The following MRPS18A variants were observed in gnomAD, a reference collection of about 807,000 sequenced individuals.
MRPS18A encodes large ribosomal subunit protein mL66.
A neutral mutation model predicts 22.7 loss-of-function variants in MRPS18A; 20 were observed. The ratio of observed to expected loss-of-function variants is 0.88; its 90% CI spans 0.62 to 1.28. The LOEUF (loss-of-function observed/expected upper bound fraction) is 1.28, where lower values mean the gene tolerates loss of function less well. Among genes scored for constraint, MRPS18A ranks in the 50% most tolerant of loss-of-function variants. The probability of loss-of-function intolerance (pLI) is 0.00; values close to 1 mark genes in which losing one functional copy is unlikely to be tolerated. For missense variants in MRPS18A, 294 were observed against 262.6 expected (o/e 1.12, Z -0.83); for synonymous variants, 106 against 99.1 (o/e 1.07, Z -0.41).
At chr6:43,678,386 C>A in intron 3 of MRPS18A, 132 bp downstream of exon 3, 1 of 689,940 alleles carries the variant, frequency 1.4e-6, no homozygotes, top group East Asian at 2.8e-5. Flanking sequence ...AACAACTGGA[C>A]AAAATGCTCC....
rs916389441 is a variant in MRPS18A, at chr6:43,673,407, G to C, written c.447-1501C>G. Among the ~76,000 whole-genome samples, 4 of 152,206 alleles carry C rather than the reference G, an allele frequency of 2.6e-5. No individual in the cohort carries two copies. Among genetic ancestry groups the C allele is most frequent in the African/African-American group, 9.6e-5 (4 of 41,452 alleles). On this transcript the variant is annotated intron_variant, in intron 5 of 5. Transcript: ENST00000372133. This position sits in a 1 kb window ranked among gnomAD's most constrained non-coding sequence, Gnocchi z 4.2. ...ATGAAGAGATGGGGTATGGGAGCAG[G>C]CTCCCCAGAAGGGTGCTCATTGAGA...
Position 43,671,820 on chromosome 6 carries a change from G to A in MRPS18A, c.533C>T (p.Ser178Leu), listed in dbSNP as rs904798476. The change falls in exon 6 of 6, where the codon TCA becomes TTA. Residue 178 changes from serine (S) to leucine (L), a missense_variant. Coordinates refer to ENST00000372133, the MANE Select transcript of MRPS18A (RefSeq NM_018135.4). ...RWNRVRMPVG[S>L]PLLRDNVCYS... ...GCAGACATTGTCCCTCAGAAGGGGTGACCCCACGGGCATGCGCACCCTGTT... is the reference window on the plus strand; with the variant it reads ...GCAGACATTGTCCCTCAGAAGGGGTAACCCCACGGGCATGCGCACCCTGTT... 3 of 1,614,114 alleles carry A rather than the reference G, an allele frequency of 1.9e-6. No individual in the cohort carries two copies. The African/African-American group carries it at 4.0e-5, about 22-fold the overall frequency.
chr6:43,679,763 C>A (rs1293096139), intron 2 of MRPS18A, among the ~76,000 whole-genome samples: 1 of 152,112 alleles, frequency 6.6e-6, no homozygotes, highest in Non-Finnish European at 1.5e-5. Context: ...CCTCCTTCTG[C>A]CATGGCAATC....
At chr6:43,684,508 C>T (rs1241594089) in intron 1 of MRPS18A, among the ~76,000 whole-genome samples, 1 of 152,304 alleles carries the variant, frequency 6.6e-6, no homozygotes, top group African/African-American at 2.4e-5. Flanking sequence ...TTTCTGGTTC[C>T]CTCATCACCT....
chr6:43,671,210 A>G lies in MRPS18A; in HGVS notation c.*552T>C. On this transcript the variant is annotated 3_prime_UTR_variant, in exon 6 of 6. Coordinates refer to ENST00000372133, the MANE Select transcript of MRPS18A (RefSeq NM_018135.4). ...GTGACAACCAGGGCCCCTTTGAGGA[A>G]CGCAGTTTCTTGGATTCACACGAGA... 1 of 575,954 alleles carries G rather than the reference A, an allele frequency of 1.7e-6. No homozygotes were observed. Among genetic ancestry groups the G allele is most frequent in the Non-Finnish European group, 3.1e-6 (1 of 323,936 alleles). The allele number at this position is 575,954 out of a possible 1,614,324, so 35.7% of individuals were successfully genotyped here.
chr6:43,681,014 T>C (rs1029847273), intron 2 of MRPS18A, 75 bp downstream of exon 2: 1 of 1,474,212 alleles, frequency 6.8e-7, no homozygotes, highest in Non-Finnish European at 9.4e-7. Flanking sequence ...TTTGGGCCCC[T>C]CCCTCCCTCA....
Position 43,672,073 on chromosome 6 carries a change from G to A in MRPS18A, c.447-167C>T, listed in dbSNP as rs560004881. ...ATTTTCCTGGGAGTAACTGCTGAGCGTCCTGTAAACAGATGGGCTGGGCTC... is the reference window on the plus strand; with the variant it reads ...ATTTTCCTGGGAGTAACTGCTGAGCATCCTGTAAACAGATGGGCTGGGCTC... On this transcript the variant is annotated intron_variant, in intron 5 of 5. Coordinates refer to ENST00000372133, the MANE Select transcript of MRPS18A (RefSeq NM_018135.4). 24 of 826,046 alleles carry A rather than the reference G, an allele frequency of 2.9e-5. No individual in the cohort carries two copies. The South Asian group carries it at 2.9e-4, about 10-fold the overall frequency. 51.2% of individuals were successfully genotyped at this position (826,046 alleles called of 1,614,324 possible).
At position 43,671,646 on chromosome 6, in the gene MRPS18A, G is replaced by A. The variant is rs1773701002; in HGVS notation, c.*116C>T. On this transcript the variant is annotated 3_prime_UTR_variant, in exon 6 of 6. Transcript: ENST00000372133. ...TGTCCCCTGTCCATGCATGTTGGAG[G>A]GACCAGGCCATCGTGGTGGGGTGGG... The A allele has an allele frequency of 1.6e-6, 2 of 1,241,566 alleles. No individual in the cohort carries two copies. Among genetic ancestry groups the A allele is most frequent in the African/African-American group, 3.0e-5 (2 of 67,456 alleles). The allele number at this position is 1,241,566 out of a possible 1,614,324, so 76.9% of individuals were successfully genotyped here.
intron 1 of MRPS18A, among the ~76,000 whole-genome samples, chr6:43,682,378 GGCA>G (rs1343112469): frequency 6.6e-6 from 1 of 152,186 alleles, no homozygotes; most frequent in Non-Finnish European, 1.5e-5. Flanking sequence ...AGAGGCCCAT[GGCA>G]GCATCTGTGA....
chr6:43,674,399 T>A (rs1253979857), intron 5 of MRPS18A, among the ~76,000 whole-genome samples: 1 of 152,110 alleles, frequency 6.6e-6, no homozygotes, highest in African/African-American at 2.4e-5. Context: ...CTCATTCCAG[T>A]CTGGGAACCA....
In MRPS18A at chr6:43,681,098, C is replaced by T; in HGVS notation, c.135G>A (p.Lys45=). Residue 45 remains lysine (K), a synonymous_variant, in exon 2 of 6, where the codon AAG becomes AAA. Transcript: ENST00000372133. ...FREVVETQEG[K]TTIIEGRITA... ...ACTCAACGATACTTACTATAGTTGT[C>T]TTCCCTTCTTGGGTCTCCACCACTA... is the stretch of plus-strand genomic sequence containing the variant. The T allele has an allele frequency of 6.2e-7, 1 of 1,613,660 alleles. No homozygotes were observed. Among genetic ancestry groups the T allele is most frequent in the Non-Finnish European group, 8.5e-7 (1 of 1,179,614 alleles).
At chr6:43,672,136 C>G in intron 5 of MRPS18A, 2 of 594,008 alleles carry the variant, frequency 3.4e-6, no homozygotes, top group South Asian at 4.1e-5. Context: ...TTCAGGCAGC[C>G]CAGGGCCACA....
chr6:43,686,169 TAAAAC>T (rs1376087014), intron 1 of MRPS18A, among the ~76,000 whole-genome samples: 4 of 152,246 alleles, frequency 2.6e-5, no homozygotes, highest in Admixed American at 6.5e-5. Context: ...TATTTGTTGT[TAAAAC>T]AAAACGATTC....
chr6:43,675,638 G>A, intron 3 of MRPS18A, 21 bp from the exon 4 acceptor site: 3 of 1,590,256 alleles, frequency 1.9e-6, no homozygotes, highest in Non-Finnish European at 2.6e-6. Context: ...CCGAAAATAG[G>A]GGATGAGGGT....
chr6:43,685,147 T>G (rs912312706), intron 1 of MRPS18A, among the ~76,000 whole-genome samples: 5 of 152,196 alleles, frequency 3.3e-5, no homozygotes, highest in African/African-American at 4.8e-5. Flanking sequence ...ATTAAACCCC[T>G]TGGAACGGCA....
rs372280406 is a variant in MRPS18A, at chr6:43,681,079, C to T, written c.144+10G>A. 97 of 1,613,296 alleles carry T rather than the reference C, an allele frequency of 6.0e-5. 1 individual carries two copies. The highest frequency in any genetic ancestry group is 4.1e-4 in the South Asian group (37 of 90,960). Reference sequence around the variant, plus strand: ...AAGAGGTTATACATGGCCAACTCAACGATACTTACTATAGTTGTCTTCCCT... The same window carrying T: ...AAGAGGTTATACATGGCCAACTCAATGATACTTACTATAGTTGTCTTCCCT... On this transcript the variant is annotated intron_variant, in intron 2 of 5. Transcript: ENST00000372133.
chr6:43,673,049 G>A lies in MRPS18A; in HGVS notation c.447-1143C>T, dbSNP rs1434768767. On this transcript the variant is annotated intron_variant, in intron 5 of 5. Coordinates refer to ENST00000372133, the MANE Select transcript of MRPS18A (RefSeq NM_018135.4). The surrounding 1 kb of genome is among the most constrained non-coding windows in gnomAD (Gnocchi z 4.2). ...GTTGCCCAAGCTGGAGTGCAGTGGC[G>A]CGATCTCGGCTCACTGCAACTTCCG... is the stretch of plus-strand genomic sequence containing the variant. Among the ~76,000 whole-genome samples, 7 of 150,414 alleles carry A rather than the reference G, an allele frequency of 4.7e-5. No individual in the cohort carries two copies. Among genetic ancestry groups the A allele is most frequent in the African/African-American group, 1.2e-4 (5 of 40,726 alleles).
At chr6:43,683,678 AC>A (rs1774535507) in intron 1 of MRPS18A, among the ~76,000 whole-genome samples, 1 of 152,194 alleles carries the variant, frequency 6.6e-6, no homozygotes, top group African/African-American at 2.4e-5. Context: ...CTAAACTGGA[AC>A]TAAGGGCCAA....
intron 5 of MRPS18A, among the ~76,000 whole-genome samples, chr6:43,674,224 C>T (rs768161357): frequency 3.3e-5 from 5 of 152,176 alleles, no homozygotes; most frequent in African/African-American, 1.2e-4. Context: ...CCACATCCCA[C>T]ACCCCCTACC....
Sources: allele counts gnomAD v4.1 joint callset (sites outside exome capture counted in the v4.1 genomes callset), GRCh38; gene constraint gnomAD v4.1.1; non-coding constraint Gnocchi (gnomAD v3.1); transcripts MANE v1.5; gene names NCBI Gene and HGNC (gene_info 2026-07-23, HGNC 2026-07-21).